SYNJ2: variants seen among roughly 807,000 people sequenced by gnomAD.
SYNJ2 encodes the protein synaptojanin 2, also known as polyphosphatidylinositol phosphatase SYNJ2.
SYNJ2 carries 116 observed loss-of-function variants against 141.3 expected under a neutral mutation model. That is an observed-to-expected ratio of 0.82 (90% CI 0.71 to 0.96). The LOEUF (loss-of-function observed/expected upper bound fraction) is 0.96, where lower values mean the gene tolerates loss of function less well. Ranked by LOEUF, SYNJ2 falls within the 40% of genes least tolerant of loss-of-function variation. The pLI, the probability that SYNJ2 is intolerant of heterozygous loss-of-function variation, is 0.00. For synonymous variants in SYNJ2, 745 were observed against 777.7 expected (o/e 0.96, Z 0.70); for missense variants, 1,873 against 1,934.8 (o/e 0.97, Z 0.60).
At chr6:158,023,989 A>G (rs1778908073) in intron 2 of SYNJ2, among the ~76,000 whole-genome samples, 1 of 152,226 alleles carries the variant, frequency 6.6e-6, no homozygotes, top group South Asian at 2.1e-4. Context: ...ATTAATGTGA[A>G]CAGGATCTTT....
At chr6:158,017,403 T>A in intron 2 of SYNJ2, 113 bp downstream of exon 2, 2 of 1,014,434 alleles carry the variant, frequency 2.0e-6, no homozygotes, top group Non-Finnish European at 2.6e-6. Context: ...TCTCTCTCTC[T>A]TCTTTTTTTT....
chr6:158,079,379 A>G (rs1782529467), intron 18 of SYNJ2: 1 of 133,756 alleles, frequency 7.5e-6, no homozygotes, highest in Non-Finnish European at 1.6e-5. Flanking sequence ...GGTCAACGAA[A>G]AAACCTTTTT....
Position 158,033,566 on chromosome 6 carries a change from G to A in SYNJ2, c.597G>A (p.Lys199=), listed in dbSNP as rs1779484186. 9 of 1,614,004 alleles carry A rather than the reference G, an allele frequency of 5.6e-6. No homozygotes were observed. Among genetic ancestry groups the A allele is most frequent in the Non-Finnish European group, 7.6e-6 (9 of 1,180,050 alleles). The stretch of plus-strand genomic sequence containing the variant: ...TCCGCACCGTGTATGCCTCCCACAA[G>A]CAGGCCAAGGCCTGCCTCGTCTCTC... The part of the protein sequence containing the change: ...VTIRTVYASH[K]QAKACLVSRV... The change falls in exon 4 of 27, where the codon AAG becomes AAA. Residue 199 remains lysine, a synonymous_variant. Coordinates refer to ENST00000355585, the MANE Select transcript of SYNJ2 (RefSeq NM_003898.4).
rs775063411 is a variant in SYNJ2 at position 158,095,993 on chromosome 6, G to A, written c.4120G>A (p.Ala1374Thr). ...CAGCCCCTCTGGGCACCCACCTGCC[G>A]CGGGCACCGTCTTCCCACAAGGGGA... The part of the protein sequence containing the change: ...SDSPSGHPPA[A>T]GTVFPQGDFL... The change falls in exon 27 of 27, where the codon GCG (alanine) becomes ACG (threonine). Residue 1374 changes from alanine to threonine, a missense_variant. Transcript: ENST00000355585. The A allele has an allele frequency of 2.6e-5, 42 of 1,614,064 alleles. No individual in the cohort carries two copies. Among genetic ancestry groups the A allele is most frequent in the Non-Finnish European group, 3.1e-5 (37 of 1,180,054 alleles).
Position 158,084,808 on chromosome 6 carries a change from T to G in SYNJ2, c.3208+634T>G, listed in dbSNP as rs1379036072. 6.6e-6 allele frequency among the ~76,000 whole-genome samples: 1 copy of G among 151,770 alleles called. No homozygotes were observed. Among genetic ancestry groups the G allele is most frequent in the Non-Finnish European group, 1.5e-5 (1 of 67,988 alleles). On this transcript the variant is annotated intron_variant, in intron 22 of 26. Coordinates refer to ENST00000355585, the MANE Select transcript of SYNJ2 (RefSeq NM_003898.4). The surrounding 1 kb of genome is among the most constrained non-coding windows in gnomAD (Gnocchi z 5.0). ...GCTTGGGTGACAAAGTGAGATTCCGTCTCAAAACAACAACAACAAAAAAAC... is the reference window on the plus strand; with the variant it reads ...GCTTGGGTGACAAAGTGAGATTCCGGCTCAAAACAACAACAACAAAAAAAC...
chr6:158,009,352 C>T (rs1778183270), intron 1 of SYNJ2, among the ~76,000 whole-genome samples: 1 of 152,182 alleles, frequency 6.6e-6, no homozygotes, highest in Non-Finnish European at 1.5e-5. Flanking sequence ...CACCCCCTGC[C>T]ATCACTCATC....
intron 26 of SYNJ2, among the ~76,000 whole-genome samples, chr6:158,094,893 A>G (rs772223703): frequency 6.6e-5 from 10 of 152,202 alleles, no homozygotes; most frequent in Non-Finnish European, 1.2e-4. Context: ...CACGCGTGTA[A>G]TCCCAGCACT....
At chr6:158,056,002 A>G (rs185663857) in intron 6 of SYNJ2, among the ~76,000 whole-genome samples, 100 of 152,336 alleles carry the variant, frequency 6.6e-4, no homozygotes, top group South Asian at 2.3e-3. Flanking sequence ...ACATGAAACC[A>G]AAAATGAAAT....
chr6:158,016,872 G>A (rs556229492), intron 1 of SYNJ2, among the ~76,000 whole-genome samples: 1 of 152,204 alleles, frequency 6.6e-6, no homozygotes, highest in South Asian at 2.1e-4. Context: ...GATGATACCC[G>A]TGGACAGGGA....
intron 24 of SYNJ2, 90 bp from the exon 25 acceptor site, chr6:158,089,749 C>G: frequency 1.1e-6 from 1 of 871,202 alleles, no homozygotes; most frequent in Non-Finnish European, 1.9e-6. Flanking sequence ...CTGGTGGAGC[C>G]CTGCACAGAC....
chr6:158,061,784 C>T (rs573569114), intron 7 of SYNJ2, among the ~76,000 whole-genome samples: 12 of 152,158 alleles, frequency 7.9e-5, no homozygotes, highest in Non-Finnish European at 1.2e-4. Context: ...GCAGGCAAGA[C>T]GCTCTTTGTG....
intron 5 of SYNJ2, among the ~76,000 whole-genome samples, chr6:158,045,253 G>A (rs1012497857): frequency 6.6e-6 from 1 of 151,916 alleles, no homozygotes; most frequent in Non-Finnish European, 1.5e-5. Context: ...GACTACAGGT[G>A]CCCACTACCA....
rs180891155 is a variant in SYNJ2 at position 157,986,746 on chromosome 6, C to T, written c.127+4658C>T. 2.5e-4 allele frequency among the ~76,000 whole-genome samples: 38 copies of T among 152,290 alleles called. No individual in the cohort carries two copies. In the East Asian group the frequency reaches 4.8e-3, roughly 19 times the overall value. The stretch of plus-strand genomic sequence containing the variant: ...GGCTTTTAGCCTTTAATTGTGAAAA[C>T]GTTCAAACACAAAAGTAGAGGGAAA... On this transcript the variant is annotated intron_variant, in intron 1 of 26. Transcript: ENST00000355585.
At chr6:158,044,258 G>C (rs377233261) in intron 5 of SYNJ2, among the ~76,000 whole-genome samples, 1 of 152,194 alleles carries the variant, frequency 6.6e-6, no homozygotes, top group Non-Finnish European at 1.5e-5. Flanking sequence ...GTTTGACAAC[G>C]CTGGACTCAG....
intron 12 of SYNJ2, 69 bp from the exon 13 acceptor site, chr6:158,068,578 G>GAGCC (rs1310247975): frequency 2.0e-5 from 32 of 1,570,094 alleles, no homozygotes; most frequent in Non-Finnish European, 2.7e-5. Flanking sequence ...GGGCACTGGG[G>GAGCC]AGCCCCATGA....
At position 158,043,345 on chromosome 6, in the gene SYNJ2, T is replaced by C. The variant is rs1439251576; in HGVS notation, c.741T>C (p.Ser247=). 9.3e-6 allele frequency: 15 copies of C among 1,614,044 alleles called. No individual in the cohort carries two copies. The highest frequency in any genetic ancestry group is 1.3e-5 in the Non-Finnish European group (15 of 1,179,998). The change falls in exon 5 of 27, where the codon TCT becomes TCC. Residue 247 remains serine, a synonymous_variant. Transcript: ENST00000355585. This position sits in a 1 kb window ranked among gnomAD's most constrained non-coding sequence, Gnocchi z 4.0. ...TTTACATGGACGATGGAGTGTCATC[T>C]TTTGTCCAGATCAGAGGCTCCGTTC... ...QMIYMDDGVS[S]FVQIRGSVPL... is the part of the protein sequence containing the mutation.
intron 5 of SYNJ2, among the ~76,000 whole-genome samples, chr6:158,048,980 G>A (rs1327931190): frequency 6.6e-6 from 1 of 152,170 alleles, no homozygotes; most frequent in Non-Finnish European, 1.5e-5. Flanking sequence ...CCAGATGGGA[G>A]GCCGTTGAGC....
rs746876275 is a variant in SYNJ2 at position 158,088,647 on chromosome 6, T to C, written c.3344-13T>C. The stretch of plus-strand genomic sequence containing the variant: ...CACTGAGATTGAGACTCTGCCCTCG[T>C]TGGTTTTTACAGCCGGTTTAATGGT... On this transcript the variant is annotated splice_polypyrimidine_tract_variant and intron_variant, in intron 23 of 26. Transcript: ENST00000355585. 30 of 1,608,376 alleles carry C rather than the reference T, an allele frequency of 1.9e-5. No homozygotes were observed. Among genetic ancestry groups the C allele is most frequent in the Admixed American group, 5.0e-5 (3 of 59,976 alleles).
At chr6:158,089,776 C>A in intron 24 of SYNJ2, 63 bp from the exon 25 acceptor site, 1 of 1,269,730 alleles carries the variant, frequency 7.9e-7, no homozygotes, top group Non-Finnish European at 1.1e-6. Context: ...GTAGCAGATA[C>A]GTCCCACGAG....
Sources: allele counts gnomAD v4.1 joint callset (sites outside exome capture counted in the v4.1 genomes callset), GRCh38; gene constraint gnomAD v4.1.1; non-coding constraint Gnocchi (gnomAD v3.1); transcripts MANE v1.5; gene names NCBI Gene and HGNC (gene_info 2026-07-23, HGNC 2026-07-21).